Variants in GRM5 observed in about 807,000 individuals in gnomAD.
GRM5 encodes glutamate metabotropic receptor 5.
Under a neutral mutation model 83.1 loss-of-function variants are expected in GRM5, and 19 were observed. The observed-to-expected ratio is 0.23, with a 90% confidence interval of 0.16 to 0.34. GRM5 has a LOEUF of 0.34. Ranked by LOEUF, GRM5 falls within the 10% of genes least tolerant of loss-of-function variation. The pLI is 1.00. For synonymous variants in GRM5, 675 were observed against 633.6 expected (o/e 1.07, Z -0.98); for missense variants, 1,160 against 1,588.3 (o/e 0.73, Z 4.58).
At chr11:88,921,971 A>G (rs1945701273) in intron 2 of GRM5, among the ~76,000 whole-genome samples, 2 of 152,248 alleles carry the variant, frequency 1.3e-5, no homozygotes, top group South Asian at 4.1e-4. Flanking sequence ...AAAAGAAATC[A>G]AGAAAGTAAT....
intron 1 of GRM5, among the ~76,000 whole-genome samples, chr11:89,055,485 T>TAAGG (rs996533081): frequency 2.2e-3 from 341 of 152,286 alleles, no homozygotes; most frequent in African/African-American, 6.7e-3. Context: ...GTAGGATGTT[T>TAAGG]AAGGAAAATA....
chr11:88,703,214 A>AC (rs745758552), intron 3 of GRM5, among the ~76,000 whole-genome samples: 1 of 151,996 alleles, frequency 6.6e-6, no homozygotes, highest in Non-Finnish European at 1.5e-5. Context: ...CATGTTGTAA[A>AC]CCCTCTACAC....
rs1196112143 is a variant in GRM5 at position 88,841,238 on chromosome 11, C to G, written c.911+8668G>C. Among the ~76,000 whole-genome samples, 45 of 152,126 alleles carry G rather than the reference C, an allele frequency of 3.0e-4. 1 individual carries two copies. The highest frequency in any genetic ancestry group is 2.9e-3 in the Admixed American group (44 of 15,272). ...CCTGTTACAGCAAATATTCCTTCTC[C>G]TCAGTGGTTTTCTTAATGGTGTCTT... On this transcript the variant is annotated intron_variant, in intron 3 of 9. Transcript: ENST00000305447.
chr11:88,654,537 G>C lies in GRM5; in HGVS notation c.912-1134C>G, dbSNP rs551141508. Among the ~76,000 whole-genome samples the C allele has an allele frequency of 1.1e-4, 16 of 152,146 alleles. 1 individual carries two copies. In the South Asian group the frequency reaches 3.1e-3, roughly 30 times the overall value. On this transcript the variant is annotated intron_variant, in intron 3 of 9. Transcript: ENST00000305447. ...TGACTAAATTACAAGTAACCTCAAAGAGAGAAGAGAAGGAATATAGAGAGA... is the reference window on the plus strand; with the variant it reads ...TGACTAAATTACAAGTAACCTCAAACAGAGAAGAGAAGGAATATAGAGAGA...
At chr11:88,915,360 T>C (rs1263550143) in intron 2 of GRM5, among the ~76,000 whole-genome samples, 1 of 152,118 alleles carries the variant, frequency 6.6e-6, no homozygotes, top group Non-Finnish European at 1.5e-5. Flanking sequence ...CTTTTTTTAA[T>C]GTGCGGCATA....
At chr11:88,958,139 T>C (rs1938678313) in intron 2 of GRM5, among the ~76,000 whole-genome samples, 1 of 151,746 alleles carries the variant, frequency 6.6e-6, no homozygotes, top group African/African-American at 2.4e-5. Context: ...AAAGAAGCCT[T>C]CAGGAGTCCC....
At chr11:88,891,333 C>T (rs971607560) in intron 2 of GRM5, among the ~76,000 whole-genome samples, 1 of 152,040 alleles carries the variant, frequency 6.6e-6, no homozygotes, top group Non-Finnish European at 1.5e-5. Flanking sequence ...TTATGACTAT[C>T]TGGAATTCTA....
At chr11:89,046,208 G>T (rs1436884949) in intron 2 of GRM5, among the ~76,000 whole-genome samples, 1 of 152,120 alleles carries the variant, frequency 6.6e-6, no homozygotes, top group Admixed American at 6.5e-5. Context: ...CCTAACCTCT[G>T]AAGTGGGGTT....
intron 2 of GRM5, among the ~76,000 whole-genome samples, chr11:89,033,736 A>G (rs1591064893): frequency 1.3e-5 from 2 of 152,046 alleles, no homozygotes. Context: ...ACTAATCTCT[A>G]AAGTCACAAA....
intron 3 of GRM5, among the ~76,000 whole-genome samples, chr11:88,742,020 A>G (rs572045739): frequency 6.6e-6 from 1 of 152,016 alleles, no homozygotes; most frequent in South Asian, 2.1e-4. Context: ...CCATCTGATT[A>G]CCATGTTCAG....
chr11:88,999,636 G>A (rs1030912393), intron 2 of GRM5, among the ~76,000 whole-genome samples: 1 of 152,142 alleles, frequency 6.6e-6, no homozygotes, highest in Non-Finnish European at 1.5e-5. Flanking sequence ...TTACACTGTT[G>A]GTGGGACTGT....
chr11:88,617,680 G>T (rs1380755588), intron 4 of GRM5, among the ~76,000 whole-genome samples: 1 of 152,206 alleles, frequency 6.6e-6, no homozygotes, highest in African/African-American at 2.4e-5. Context: ...TAACTCTAAG[G>T]ATGGAAACCC....
At chr11:88,702,572 C>T (rs1941059248) in intron 3 of GRM5, among the ~76,000 whole-genome samples, 1 of 152,024 alleles carries the variant, frequency 6.6e-6, no homozygotes, top group South Asian at 2.1e-4. Context: ...TATTTTAGGG[C>T]CATTTCATAT....
At chr11:88,938,662 TCCTCTGCACAAACA>T (rs1937982603) in intron 2 of GRM5, among the ~76,000 whole-genome samples, 1 of 151,442 alleles carries the variant, frequency 6.6e-6, no homozygotes, top group South Asian at 2.1e-4. Context: ...ATTCACTGGG[TCCTCTGCACAAACA>T]CTGTTTATCT....
intron 3 of GRM5, 43 bp from the exon 4 acceptor site, chr11:88,653,446 C>G (rs759708260): frequency 7.5e-7 from 1 of 1,341,028 alleles, no homozygotes; most frequent in South Asian, 1.2e-5. Context: ...ACAGATATCT[C>G]CTAAGCAAAT....
At chr11:88,935,649 A>G (rs573225904) in intron 2 of GRM5, among the ~76,000 whole-genome samples, 1 of 152,048 alleles carries the variant, frequency 6.6e-6, no homozygotes, top group African/African-American at 2.4e-5. Context: ...TTGGCACAGG[A>G]TAAGACTCGT....
At chr11:88,964,758 TATACACAGTGAAATAAGA>T (rs1426607289) in intron 2 of GRM5, among the ~76,000 whole-genome samples, 5 of 152,156 alleles carry the variant, frequency 3.3e-5, no homozygotes, top group African/African-American at 7.2e-5. Flanking sequence ...GAGGTCAAAT[TATACACAGTGAAATAAGA>T]ATAGGAATTA....
intron 2 of GRM5, among the ~76,000 whole-genome samples, chr11:88,884,469 G>A (rs1052391394): frequency 3.9e-5 from 6 of 152,172 alleles, no homozygotes; most frequent in African/African-American, 1.4e-4. Context: ...TGTCTCAGAT[G>A]AGACTTTGGA....
chr11:88,638,855 C>T (rs559837923), intron 4 of GRM5, among the ~76,000 whole-genome samples: 15 of 151,934 alleles, frequency 9.9e-5, no homozygotes, highest in Middle Eastern at 3.4e-3. Context: ...TGTATTGTTT[C>T]TCTTTTCTTT....
Sources: allele counts gnomAD v4.1 joint callset (sites outside exome capture counted in the v4.1 genomes callset), GRCh38; gene constraint gnomAD v4.1.1; transcripts MANE v1.5; gene names NCBI Gene and HGNC (gene_info 2026-07-23, HGNC 2026-07-21).